The following PTPRD variants were observed in gnomAD, a reference collection of about 807,000 sequenced individuals.
PTPRD encodes protein tyrosine phosphatase receptor type D, also known as receptor-type tyrosine-protein phosphatase delta.
Under a neutral mutation model 214.5 loss-of-function variants are expected in PTPRD, and 34 were observed. That is an observed-to-expected ratio of 0.16 (90% CI 0.12 to 0.21). The LOEUF (loss-of-function observed/expected upper bound fraction) is 0.21. PTPRD is among the 10% of genes least tolerant of loss of function. The pLI is 1.00. For missense variants in PTPRD, 2,545 were observed against 2,398.7 expected (o/e 1.06, Z -1.27); for synonymous variants, 1,128 against 845.7 (o/e 1.33, Z -5.79).
intron 33 of PTPRD, among the ~76,000 whole-genome samples, chr9:8,460,043 C>T (rs2096347910): frequency 6.6e-6 from 1 of 152,068 alleles, no homozygotes; most frequent in Non-Finnish European, 1.5e-5. Context: ...AAAAAACACA[C>T]TGAAATCGAG....
At chr9:10,474,777 A>C (rs1331064296) in intron 2 of PTPRD, among the ~76,000 whole-genome samples, 1 of 152,140 alleles carries the variant, frequency 6.6e-6, no homozygotes, top group Non-Finnish European at 1.5e-5. Flanking sequence ...AAATCATAAC[A>C]AACAGTCACT....
intron 10 of PTPRD, among the ~76,000 whole-genome samples, chr9:9,052,391 T>G (rs781152592): frequency 6.6e-6 from 1 of 152,218 alleles, no homozygotes; most frequent in Non-Finnish European, 1.5e-5. Context: ...AAATGACTTA[T>G]CTGTGACCCT....
At chr9:9,795,357 C>T (rs776171596) in intron 5 of PTPRD, among the ~76,000 whole-genome samples, 28 of 151,886 alleles carry the variant, frequency 1.8e-4, no homozygotes, top group Non-Finnish European at 3.7e-4. Flanking sequence ...TTAACTCACC[C>T]AGCTTTGAAA....
chr9:8,651,634 G>T (rs953143934), intron 12 of PTPRD, among the ~76,000 whole-genome samples: 3 of 152,072 alleles, frequency 2.0e-5, no homozygotes, highest in African/African-American at 7.2e-5. Context: ...TTAAATCTGA[G>T]GAGAAAATGT....
chr9:8,749,746 A>G (rs1453162234), intron 11 of PTPRD, among the ~76,000 whole-genome samples: 2 of 152,206 alleles, frequency 1.3e-5, no homozygotes, highest in African/African-American at 4.8e-5. Context: ...CTTTTATTCC[A>G]TGAATATTTC....
At chr9:8,717,595 G>A (rs2098450723) in intron 12 of PTPRD, among the ~76,000 whole-genome samples, 3 of 152,100 alleles carry the variant, frequency 2.0e-5, no homozygotes, top group Admixed American at 2.0e-4. Context: ...ACTTTCACTG[G>A]GTTCCCTAGT....
intron 6 of PTPRD, among the ~76,000 whole-genome samples, chr9:9,753,995 TTATTA>T (rs1175915884): frequency 6.6e-6 from 1 of 152,088 alleles, no homozygotes; most frequent in African/African-American, 2.4e-5. Flanking sequence ...AATATAGCAA[TTATTA>T]TATTATACCA....
At chr9:8,989,762 T>C (rs1376300088) in intron 11 of PTPRD, among the ~76,000 whole-genome samples, 1 of 152,174 alleles carries the variant, frequency 6.6e-6, no homozygotes, top group Non-Finnish European at 1.5e-5. Flanking sequence ...TGTCTTTATT[T>C]GTTTTATGCT....
At chr9:9,887,544 C>G (rs916786154) in intron 5 of PTPRD, among the ~76,000 whole-genome samples, 1 of 152,118 alleles carries the variant, frequency 6.6e-6, no homozygotes, top group Non-Finnish European at 1.5e-5. Flanking sequence ...AGGGGCAGAA[C>G]AACATTAGAT....
rs183313353 is a variant in PTPRD, at chr9:9,493,931, C to A, written c.-237+80801G>T. On this transcript the variant is annotated intron_variant, in intron 8 of 45. Coordinates refer to ENST00000381196, the MANE Select transcript of PTPRD (RefSeq NM_002839.4). ...TGCAGAAAAAATTTAGATTTTATTC[C>A]AAATGCTATTAAGAACATTTGTAAT... 8.3e-3 allele frequency among the ~76,000 whole-genome samples: 1,256 copies of A among 151,726 alleles called. 13 individuals are homozygous for A. Among genetic ancestry groups the A allele is most frequent in the African/African-American group, 0.029 (1,187 of 41,354 alleles).
At chr9:8,590,817 G>T (rs1453688519) in intron 14 of PTPRD, among the ~76,000 whole-genome samples, 4 of 152,120 alleles carry the variant, frequency 2.6e-5, no homozygotes, top group African/African-American at 9.7e-5. Context: ...GTTTCCTACT[G>T]CTGTTATAAT....
chr9:10,511,958 ATATATATACGTGTGTGTG>A (rs1364546170), intron 2 of PTPRD, among the ~76,000 whole-genome samples: 11 of 73,212 alleles, frequency 1.5e-4, no homozygotes, highest in East Asian at 7.9e-4. Context: ...GTGTGTGTAT[ATATATATACGTGTGTGTG>A]TATATATATA....
intron 10 of PTPRD, among the ~76,000 whole-genome samples, chr9:9,076,792 C>CTT (rs34543317): frequency 0.019 from 2,722 of 143,886 alleles, 28 homozygotes; most frequent in African/African-American, 0.034. Context: ...TGATAATTTC[C>CTT]TTTTTTTTTT....
rs546183977 is a variant in PTPRD at position 8,504,325 on chromosome 9, A to G, written c.1758T>C (p.Ala586=). 2.5e-6 allele frequency: 4 copies of G among 1,614,202 alleles called. No homozygotes were observed. The Admixed American group carries it at 6.7e-5, about 27-fold the overall frequency. The part of the protein sequence containing the change: ...KPNSLYYFRL[A]ARSPQGLGAS... ...CACCCAGGCCTTGAGGGGAGCGTGC[A>G]GCCAGACGGAAATAGTATAAGCTGT... Residue 586 remains alanine, a synonymous_variant, in exon 23 of 46, where the codon GCT becomes GCC. Coordinates refer to ENST00000381196, the MANE Select transcript of PTPRD (RefSeq NM_002839.4).
intron 3 of PTPRD, among the ~76,000 whole-genome samples, chr9:10,222,308 T>A (rs2099573930): frequency 6.6e-6 from 1 of 152,058 alleles, no homozygotes; most frequent in Non-Finnish European, 1.5e-5. Flanking sequence ...GTTGCTTTTT[T>A]AGGAAAATAC....
intron 3 of PTPRD, among the ~76,000 whole-genome samples, chr9:10,210,549 T>C (rs960570128): frequency 9.2e-5 from 14 of 151,712 alleles, no homozygotes; most frequent in South Asian, 4.2e-4. Context: ...TGTCATCAAT[T>C]TCCACTAGTT....
chr9:8,897,530 G>A (rs2098629470), intron 11 of PTPRD, among the ~76,000 whole-genome samples: 1 of 152,168 alleles, frequency 6.6e-6, no homozygotes, highest in Non-Finnish European at 1.5e-5. Context: ...GACCTAGAGA[G>A]TTTTGATATC....
chr9:9,623,067 T>C (rs1313120413), intron 7 of PTPRD, among the ~76,000 whole-genome samples: 1 of 152,234 alleles, frequency 6.6e-6, no homozygotes, highest in African/African-American at 2.4e-5. Context: ...TGGGGAGACA[T>C]AGCTAAATCT....
chr9:9,787,122 G>C (rs1031188627), intron 5 of PTPRD, among the ~76,000 whole-genome samples: 3 of 149,752 alleles, frequency 2.0e-5, no homozygotes, highest in African/African-American at 7.4e-5. Flanking sequence ...GGGCGACAGA[G>C]TGAAATTCCA....
Sources: allele counts gnomAD v4.1 joint callset (sites outside exome capture counted in the v4.1 genomes callset), GRCh38; gene constraint gnomAD v4.1.1; transcripts MANE v1.5; gene names NCBI Gene and HGNC (gene_info 2026-07-23, HGNC 2026-07-21).